Variants in DTNB observed in about 807,000 individuals in gnomAD.
DTNB encodes dystrobrevin beta.
DTNB carries 63 observed loss-of-function variants against 90.7 expected under a neutral mutation model. The observed-to-expected ratio is 0.69, with a 90% CI of 0.57 to 0.86. The LOEUF (loss-of-function observed/expected upper bound fraction) is 0.86. Among genes scored for constraint, DTNB ranks in the 40% least tolerant of loss-of-function variants. The pLI, the probability that DTNB is intolerant of heterozygous loss-of-function variation, is 0.00. For missense variants in DTNB, 744 were observed against 807.1 expected (o/e 0.92, Z 0.95); for synonymous variants, 277 against 286.7 (o/e 0.97, Z 0.34).
chr2:25,578,958 CAT>C (rs1226403696), intron 7 of DTNB, among the ~76,000 whole-genome samples: 9 of 152,084 alleles, frequency 5.9e-5, no homozygotes, highest in Middle Eastern at 3.4e-3. Context: ...TGATAGGTAA[CAT>C]ATTTTATTTC....
chr2:25,508,153 C>T (rs1201977596), intron 9 of DTNB, among the ~76,000 whole-genome samples: 1 of 152,032 alleles, frequency 6.6e-6, no homozygotes, highest in Admixed American at 6.6e-5. Flanking sequence ...AAGATTTTTG[C>T]CTGTTTCCCA....
intron 12 of DTNB, among the ~76,000 whole-genome samples, chr2:25,450,915 C>G (rs1558578286): frequency 6.6e-6 from 1 of 152,110 alleles, no homozygotes; most frequent in African/African-American, 2.4e-5. Flanking sequence ...ACTAATCTTC[C>G]CACCTCAGCC....
chr2:25,515,199 A>C (rs572080620), intron 9 of DTNB, among the ~76,000 whole-genome samples: 1 of 152,320 alleles, frequency 6.6e-6, no homozygotes, highest in African/African-American at 2.4e-5. Flanking sequence ...AGGGAGAAGA[A>C]AGGTAGAGTA....
rs79117947 is a variant in DTNB at position 25,662,738 on chromosome 2, G to A, written c.-1-10077C>T. 6.1e-3 allele frequency among the ~76,000 whole-genome samples: 906 copies of A among 149,288 alleles called. 7 individuals carry two copies. The highest frequency in any genetic ancestry group is 0.021 in the African/African-American group (862 of 40,552). On this transcript the variant is annotated intron_variant, in intron 1 of 20. Coordinates refer to ENST00000406818, the MANE Select transcript of DTNB (RefSeq NM_021907.5). ...AAGTATAAAGAAGTATATGGAAATG[G>A]TAATCATCAAATTCAGAAAAGAGAG...
chr2:25,623,334 G>A (rs144860886), intron 4 of DTNB, among the ~76,000 whole-genome samples: 54 of 152,350 alleles, frequency 3.5e-4, no homozygotes, highest in African/African-American at 1.3e-3. Flanking sequence ...CCATGTAAGT[G>A]ATTTGATTCC....
chr2:25,617,170 C>T (rs1573488576), intron 4 of DTNB, among the ~76,000 whole-genome samples: 1 of 152,118 alleles, frequency 6.6e-6, no homozygotes, highest in African/African-American at 2.4e-5. Flanking sequence ...TGCTTAACAT[C>T]ACAGGCTTTA....
intron 12 of DTNB, among the ~76,000 whole-genome samples, chr2:25,447,041 G>A (rs971090155): frequency 6.6e-6 from 1 of 152,008 alleles, no homozygotes; most frequent in Non-Finnish European, 1.5e-5. Flanking sequence ...AATAACTTTT[G>A]TTTTAAAAAT....
intron 1 of DTNB, among the ~76,000 whole-genome samples, chr2:25,668,510 C>T (rs899912794): frequency 3.9e-5 from 6 of 152,214 alleles, no homozygotes; most frequent in Admixed American, 2.6e-4. Flanking sequence ...TGACATTACG[C>T]ACTTGTCAAA....
At chr2:25,521,530 C>T (rs780573933) in intron 9 of DTNB, among the ~76,000 whole-genome samples, 1 of 151,770 alleles carries the variant, frequency 6.6e-6, no homozygotes, top group Non-Finnish European at 1.5e-5. Flanking sequence ...ATTACAGGTG[C>T]ATGCAACTGT....
rs1040346585 is a variant in DTNB, at chr2:25,572,741, T to C, written c.876+4097A>G. On this transcript the variant is annotated intron_variant, in intron 8 of 20. Transcript: ENST00000406818. The stretch of plus-strand genomic sequence containing the variant: ...TTCAGGCTCATAATTTCTTTGCCAA[T>C]GTAATTCCCTCAGAAACTTAGTAGG... Among the ~76,000 whole-genome samples the C allele has an allele frequency of 3.9e-5, 6 of 152,146 alleles. No individual in the cohort carries two copies. The South Asian group carries it at 8.3e-4, about 21-fold the overall frequency.
intron 10 of DTNB, among the ~76,000 whole-genome samples, chr2:25,469,360 A>G (rs887678450): frequency 3.9e-5 from 6 of 152,178 alleles, no homozygotes; most frequent in Non-Finnish European, 8.8e-5. Flanking sequence ...CCCAGCTTGA[A>G]GAGTAGGGGA....
intron 2 of DTNB, among the ~76,000 whole-genome samples, chr2:25,647,712 C>CA (rs1481951344): frequency 1.3e-5 from 2 of 151,840 alleles, no homozygotes; most frequent in Non-Finnish European, 2.9e-5. Flanking sequence ...CTGTCTCTAT[C>CA]AATCAGCCAA....
intron 7 of DTNB, among the ~76,000 whole-genome samples, chr2:25,579,976 C>CTTTTTT (rs59639406): frequency 1.3e-4 from 7 of 52,958 alleles, no homozygotes; most frequent in East Asian, 6.6e-4. Flanking sequence ...AGTATCCTTT[C>CTTTTTT]TTTTTTTTTT....
chr2:25,541,980 C>T (rs1476386174), intron 8 of DTNB, among the ~76,000 whole-genome samples: 1 of 152,156 alleles, frequency 6.6e-6, no homozygotes, highest in Non-Finnish European at 1.5e-5. Flanking sequence ...ACCTTTTCAA[C>T]ATTTTGCCAG....
intron 5 of DTNB, among the ~76,000 whole-genome samples, chr2:25,597,566 G>T (rs1417649885): frequency 1.3e-5 from 2 of 152,058 alleles, no homozygotes; most frequent in African/African-American, 4.8e-5. Context: ...AATTTTTAAG[G>T]CATTAGAAAA....
intron 9 of DTNB, among the ~76,000 whole-genome samples, chr2:25,487,789 C>T (rs1427486229): frequency 2.6e-5 from 4 of 152,064 alleles, no homozygotes; most frequent in African/African-American, 7.2e-5. Flanking sequence ...ATTTGTTTGA[C>T]CAAAGGCATC....
intron 12 of DTNB, among the ~76,000 whole-genome samples, chr2:25,449,402 A>G (rs1206583926): frequency 2.0e-5 from 3 of 152,224 alleles, no homozygotes; most frequent in Non-Finnish European, 4.4e-5. Flanking sequence ...AAACTGCCAA[A>G]TAGTTTTCCA....
At chr2:25,533,305 C>T (rs1385453118) in intron 8 of DTNB, among the ~76,000 whole-genome samples, 4 of 137,714 alleles carry the variant, frequency 2.9e-5, no homozygotes, top group South Asian at 2.3e-4. Context: ...CCACCCTGGG[C>T]GACAGAGTGA....
At chr2:25,414,147 G>GT (rs1391663971) in intron 16 of DTNB, among the ~76,000 whole-genome samples, 4 of 152,106 alleles carry the variant, frequency 2.6e-5, no homozygotes, top group African/African-American at 9.7e-5. Context: ...CTGTAAATTT[G>GT]TTTGAGTTCT....
Sources: gnomAD v4.1 joint callset for allele counts (sites outside exome capture counted in the v4.1 genomes callset) on GRCh38, gnomAD v4.1.1 for gene constraint, MANE v1.5 for transcripts, NCBI Gene and HGNC (gene_info 2026-07-23, HGNC 2026-07-21) for gene names.